Variants in PXDNL observed in about 807,000 individuals in gnomAD.
PXDNL encodes peroxidasin like.
In PXDNL, 145 loss-of-function variants were observed where a neutral mutation model predicts 150.8. The ratio of observed to expected loss-of-function variants is 0.96; its 90% confidence interval spans 0.84 to 1.10. The LOEUF is 1.10. Among genes scored for constraint, PXDNL ranks in the 50% least tolerant of loss-of-function variants. PXDNL has a pLI of 0.00. For missense variants in PXDNL, 2,087 were observed against 1,873.9 expected (o/e 1.11, Z -2.10); for synonymous variants, 757 against 725.7 (o/e 1.04, Z -0.69).
intron 17 of PXDNL, among the ~76,000 whole-genome samples, chr8:51,405,856 G>A (rs761415681): frequency 6.6e-6 from 1 of 152,322 alleles, no homozygotes; most frequent in South Asian, 2.1e-4. Flanking sequence ...CCAAGCACCA[G>A]GCTGCATAGA....
chr8:51,552,650 T>C (rs1485380166), intron 4 of PXDNL, among the ~76,000 whole-genome samples: 1 of 152,004 alleles, frequency 6.6e-6, no homozygotes, highest in Non-Finnish European at 1.5e-5. Flanking sequence ...GCATTAGAAT[T>C]ATATAAGGGA....
intron 21 of PXDNL, among the ~76,000 whole-genome samples, chr8:51,325,098 T>C (rs558534739): frequency 6.6e-6 from 1 of 152,222 alleles, no homozygotes; most frequent in Non-Finnish European, 1.5e-5. Context: ...ACTCCTGACC[T>C]TGTGATCCAC....
At chr8:51,546,556 G>C (rs1174137591) in intron 4 of PXDNL, among the ~76,000 whole-genome samples, 1 of 152,150 alleles carries the variant, frequency 6.6e-6, no homozygotes, top group East Asian at 1.9e-4. Flanking sequence ...GGGGCCACAG[G>C]GTAAAGGAAG....
intron 2 of PXDNL, among the ~76,000 whole-genome samples, chr8:51,600,013 G>A (rs1016409338): frequency 0.046 from 4,140 of 90,916 alleles, 157 homozygotes; most frequent in Middle Eastern, 0.074. Context: ...AAATGACATC[G>A]TTTAGATAAT....
chr8:51,582,684 T>A (rs1335474250), intron 3 of PXDNL, among the ~76,000 whole-genome samples: 1 of 152,204 alleles, frequency 6.6e-6, no homozygotes, highest in Non-Finnish European at 1.5e-5. Flanking sequence ...TGATGTTTTT[T>A]TAAATGACTT....
chr8:51,346,057 G>C, intron 19 of PXDNL, 110 bp from the exon 20 acceptor site: 1 of 664,936 alleles, frequency 1.5e-6, no homozygotes, highest in Non-Finnish European at 2.6e-6. Context: ...AGAAGAAAGA[G>C]TAGAGAGCGA....
Position 51,411,360 on chromosome 8 carries a change from C to T in PXDNL, c.1952G>A (p.Arg651His), listed in dbSNP as rs371935059. ...SDLLAQFHYP[R>H]DPLIVEMARA... Reference sequence around the variant, plus strand: ...TGCCATTTCCACAATCAGTGGGTCACGCGGGTAATGAAATTGAGCCAGCAG... The same window carrying T: ...TGCCATTTCCACAATCAGTGGGTCATGCGGGTAATGAAATTGAGCCAGCAG... The change falls in exon 16 of 23, where the codon CGT (arginine) becomes CAT (histidine). Residue 651 changes from arginine (R) to histidine (H), a missense_variant. By Grantham distance (29) the Arg-to-His change is conservative. Transcript: ENST00000356297. 25 of 1,580,852 alleles carry T rather than the reference C, an allele frequency of 1.6e-5. No individual in the cohort carries two copies. Among genetic ancestry groups the T allele is most frequent in the Non-Finnish European group, 2.0e-5 (23 of 1,167,822 alleles).
chr8:51,519,480 C>A (rs1019469456), intron 4 of PXDNL, among the ~76,000 whole-genome samples: 1 of 152,006 alleles, frequency 6.6e-6, no homozygotes, highest in South Asian at 2.1e-4. Flanking sequence ...TTGCAGCGAG[C>A]AGACTTTGCA....
intron 3 of PXDNL, among the ~76,000 whole-genome samples, chr8:51,585,708 T>A (rs1209578279): frequency 6.6e-6 from 1 of 152,044 alleles, no homozygotes; most frequent in African/African-American, 2.4e-5. Context: ...TCGGTCCTTG[T>A]CAAACTTGCT....
At chr8:51,703,266 T>C (rs961734875) in intron 1 of PXDNL, among the ~76,000 whole-genome samples, 1 of 142,602 alleles carries the variant, frequency 7.0e-6, no homozygotes, top group Admixed American at 7.4e-5. Flanking sequence ...AGAGCACAGA[T>C]TCTTCAATTT....
Position 51,408,708 on chromosome 8 carries a change from G to T in PXDNL, c.2916C>A (p.Thr972=). The change falls in exon 17 of 23, where the codon ACC becomes ACA. Residue 972 remains threonine (T), a synonymous_variant. Coordinates refer to ENST00000356297, the MANE Select transcript of PXDNL (RefSeq NM_144651.5). ...TCCTGTTGTGTTCCCGGAACCACAG[G>T]GTGTGCATGGCGGCCAGAGCCAGAT... is the stretch of plus-strand genomic sequence containing the variant. ...NEHLALAAMH[T]LWFREHNRMA... The T allele has an allele frequency of 6.3e-7, 1 of 1,593,910 alleles. No individual in the cohort carries two copies. Among genetic ancestry groups the T allele is most frequent in the East Asian group, 2.3e-5 (1 of 43,804 alleles).
intron 1 of PXDNL, among the ~76,000 whole-genome samples, chr8:51,736,293 A>T (rs1158810424): frequency 6.6e-6 from 1 of 152,204 alleles, no homozygotes; most frequent in African/African-American, 2.4e-5. Context: ...CAGAAAATAA[A>T]TTTTTTATGT....
At chr8:51,760,845 CTTTTTTTTTTTTTTT>C (rs71237237) in intron 1 of PXDNL, among the ~76,000 whole-genome samples, 15 of 45,492 alleles carry the variant, frequency 3.3e-4, no homozygotes, top group South Asian at 1.2e-3. Context: ...ATCACTTAAA[CTTTTTTTTTTTTTTT>C]TTTTTTTTTT....
chr8:51,504,248 A>G (rs1811242011), intron 4 of PXDNL, among the ~76,000 whole-genome samples: 1 of 152,226 alleles, frequency 6.6e-6, no homozygotes, highest in Non-Finnish European at 1.5e-5. Flanking sequence ...ATAGAAATAT[A>G]AGACCCTTAA....
chr8:51,492,091 A>G lies in PXDNL; in HGVS notation c.452+7608T>C, dbSNP rs558432438. On this transcript the variant is annotated intron_variant, in intron 5 of 22. Transcript: ENST00000356297. Reference sequence around the variant, plus strand: ...ATGAGGTTGCAGTAACTGCATAAGAAAGTGGTTGACTGGCTCTTCTTAGCC... The same window carrying G: ...ATGAGGTTGCAGTAACTGCATAAGAGAGTGGTTGACTGGCTCTTCTTAGCC... Among the ~76,000 whole-genome samples the G allele has an allele frequency of 2.0e-5, 3 of 152,374 alleles. No homozygotes were observed. In the South Asian group the frequency reaches 6.2e-4, roughly 32 times the overall value.
At chr8:51,457,728 A>G in intron 8 of PXDNL, 61 bp from the exon 9 acceptor site, 1 of 1,331,806 alleles carries the variant, frequency 7.5e-7, no homozygotes, top group Non-Finnish European at 1.1e-6. Flanking sequence ...AACTCTTAAC[A>G]AGACTGAGAA....
intron 17 of PXDNL, among the ~76,000 whole-genome samples, chr8:51,390,902 G>A (rs10086631): frequency 4.7e-4 from 71 of 151,076 alleles, no homozygotes; most frequent in Middle Eastern, 3.4e-3. Context: ...CCCCTCCTCC[G>A]ACCCCACAAC....
At chr8:51,809,071 A>C in intron 1 of PXDNL, 110 bp downstream of exon 1, 1 of 1,148,736 alleles carries the variant, frequency 8.7e-7, no homozygotes, top group Non-Finnish European at 1.3e-6. Flanking sequence ...TCTTCTAAGT[A>C]TACAAGCAGG....
chr8:51,455,111 G>A (rs543405827), intron 9 of PXDNL, among the ~76,000 whole-genome samples: 2 of 16,034 alleles, frequency 1.2e-4, no homozygotes, highest in Non-Finnish European at 9.0e-4. Context: ...GCGAGACTCC[G>A]TCTCAAAAAA....
Sources: gnomAD v4.1 joint callset for allele counts (sites outside exome capture counted in the v4.1 genomes callset) on GRCh38, gnomAD v4.1.1 for gene constraint, MANE v1.5 for transcripts, NCBI Gene and HGNC (gene_info 2026-07-23, HGNC 2026-07-21) for gene names.